IQGAP2: variants seen among roughly 807,000 people sequenced by gnomAD.
The protein encoded by IQGAP2 is ras GTPase-activating-like protein IQGAP2.
A neutral mutation model predicts 201.3 loss-of-function variants in IQGAP2; 173 were observed. That is an observed-to-expected ratio of 0.86 (90% CI 0.76 to 0.98). The LOEUF (loss-of-function observed/expected upper bound fraction) is 0.98, where lower values mean the gene tolerates loss of function less well. Among genes scored for constraint, IQGAP2 ranks in the 50% least tolerant of loss-of-function variants. IQGAP2 has a pLI of 0.00. For synonymous variants in IQGAP2, 675 were observed against 673.9 expected (o/e 1.00, Z -0.03); for missense variants, 1,687 against 1,864.8 (o/e 0.90, Z 1.76).
chr5:76,504,807 T>G (rs1561422508), intron 2 of IQGAP2, among the ~76,000 whole-genome samples: 1 of 152,210 alleles, frequency 6.6e-6, no homozygotes, highest in Non-Finnish European at 1.5e-5. Flanking sequence ...TTGCTTTCCC[T>G]CTGTATTCAG....
At chr5:76,617,999 A>G (rs1208939907) in intron 13 of IQGAP2, 3 of 1,614,066 alleles carry the variant, frequency 1.9e-6, no homozygotes, top group African/African-American at 2.7e-5. Flanking sequence ...GCTGAACAAG[A>G]TAATATTCCT....
intron 1 of IQGAP2, among the ~76,000 whole-genome samples, chr5:76,457,231 C>A (rs1754144115): frequency 1.3e-5 from 2 of 152,218 alleles, no homozygotes; most frequent in East Asian, 3.9e-4. Flanking sequence ...TCAAGGGATT[C>A]ATTCACCTTG....
At chr5:76,671,628 C>T (rs981706180) in intron 23 of IQGAP2, 131 bp from the exon 24 acceptor site, 11 of 617,698 alleles carry the variant, frequency 1.8e-5, no homozygotes, top group Admixed American at 3.1e-5. Flanking sequence ...GTGGAGGTTG[C>T]AGTGAACCAA....
At chr5:76,672,080 A>G in intron 24 of IQGAP2, 97 bp downstream of exon 24, 1 of 894,890 alleles carries the variant, frequency 1.1e-6, no homozygotes, top group East Asian at 2.7e-5. Context: ...GGCGAACTGT[A>G]CAAAGTCAGT....
chr5:76,543,172 C>T (rs985104014), intron 2 of IQGAP2, among the ~76,000 whole-genome samples: 3 of 152,138 alleles, frequency 2.0e-5, no homozygotes, highest in African/African-American at 7.2e-5. Flanking sequence ...AGAACACCCT[C>T]GCAGCATGAT....
chr5:76,420,420 G>A (rs12523532), intron 1 of IQGAP2, among the ~76,000 whole-genome samples: 58,469 of 147,064 alleles, frequency 0.4, 13,022 homozygotes, highest in East Asian at 0.52. Flanking sequence ...CTGTCACCCA[G>A]GCTGGAGTGC....
chr5:76,585,959 C>T (rs1746216083), intron 5 of IQGAP2, among the ~76,000 whole-genome samples: 1 of 152,098 alleles, frequency 6.6e-6, no homozygotes, highest in South Asian at 2.1e-4. Flanking sequence ...TTTCATTGTT[C>T]CAAGTAATAT....
At chr5:76,426,068 C>T (rs764337857) in intron 1 of IQGAP2, among the ~76,000 whole-genome samples, 18 of 152,142 alleles carry the variant, frequency 1.2e-4, no homozygotes, top group African/African-American at 2.2e-4. Context: ...TTCCCTTCAT[C>T]GGCATCCAGT....
chr5:76,627,337 T>G (rs956238295), intron 13 of IQGAP2, 73 bp from the exon 14 acceptor site: 9 of 1,008,390 alleles, frequency 8.9e-6, no homozygotes, highest in East Asian at 2.4e-5. Flanking sequence ...AAATGGCTCC[T>G]CAAAAGCAGT....
chr5:76,675,148 G>C (rs376974314), intron 27 of IQGAP2, among the ~76,000 whole-genome samples: 2 of 152,150 alleles, frequency 1.3e-5, no homozygotes, highest in East Asian at 3.8e-4. Context: ...GATTAACACA[G>C]GTTTGAACTG....
chr5:76,531,191 A>G (rs1255523677), intron 2 of IQGAP2, among the ~76,000 whole-genome samples: 1 of 152,172 alleles, frequency 6.6e-6, no homozygotes, highest in Non-Finnish European at 1.5e-5. Context: ...CCTCTGGAGG[A>G]GAACACCATG....
At chr5:76,607,011 G>C (rs1747857977) in intron 12 of IQGAP2, 1 of 152,170 alleles carries the variant, frequency 6.6e-6, no homozygotes, top group Admixed American at 6.5e-5. Flanking sequence ...TGTGGCTTAT[G>C]AGCTTTTGAC....
chr5:76,543,048 A>G (rs1433343155), intron 2 of IQGAP2, among the ~76,000 whole-genome samples: 1 of 152,178 alleles, frequency 6.6e-6, no homozygotes, highest in East Asian at 1.9e-4. Flanking sequence ...GATTGTGAAG[A>G]TGATAATTGG....
chr5:76,633,937 T>G (rs1750910124), intron 15 of IQGAP2, among the ~76,000 whole-genome samples: 1 of 151,920 alleles, frequency 6.6e-6, no homozygotes, highest in South Asian at 2.1e-4. Context: ...TGATGGAACC[T>G]GTATTCTGCG....
At chr5:76,588,666 G>C (rs1479204927) in intron 5 of IQGAP2, among the ~76,000 whole-genome samples, 2 of 152,122 alleles carry the variant, frequency 1.3e-5, no homozygotes, top group East Asian at 3.9e-4. Context: ...TGGCTCTGTA[G>C]AAGTGCTGTA....
chr5:76,542,417 C>T (rs1742838275), intron 2 of IQGAP2, among the ~76,000 whole-genome samples: 1 of 152,224 alleles, frequency 6.6e-6, no homozygotes, highest in South Asian at 2.1e-4. Context: ...CAGCCCCCAC[C>T]CAGCCAGCTT....
chr5:76,443,373 C>A (rs775227953), intron 1 of IQGAP2, among the ~76,000 whole-genome samples: 2 of 151,938 alleles, frequency 1.3e-5, no homozygotes, highest in African/African-American at 2.4e-5. Context: ...ATAGTCCCAG[C>A]TACTTGGGAG....
At chr5:76,557,337 C>T (rs1277356443) in intron 2 of IQGAP2, among the ~76,000 whole-genome samples, 1 of 152,192 alleles carries the variant, frequency 6.6e-6, no homozygotes, top group Non-Finnish European at 1.5e-5. Flanking sequence ...AATGGTGATT[C>T]TGATAGCATC....
intron 2 of IQGAP2, among the ~76,000 whole-genome samples, chr5:76,559,478 T>C (rs1258607454): frequency 2.0e-5 from 3 of 152,230 alleles, no homozygotes; most frequent in East Asian, 3.9e-4. Flanking sequence ...CGTCCTCACA[T>C]GCTAGACCTT....
Sources: allele counts gnomAD v4.1 joint callset (sites outside exome capture counted in the v4.1 genomes callset), GRCh38; gene constraint gnomAD v4.1.1; transcripts MANE v1.5; gene names NCBI Gene and HGNC (gene_info 2026-07-23, HGNC 2026-07-21).